The following QTRT2 variants were observed in gnomAD, a reference collection of about 807,000 sequenced individuals.
QTRT2 encodes the protein queuine tRNA-ribosyltransferase domain containing 1.
Under a neutral mutation model 44.8 loss-of-function variants are expected in QTRT2, and 32 were observed. The ratio of observed to expected loss-of-function variants is 0.71; its 90% CI spans 0.54 to 0.96. The LOEUF (loss-of-function observed/expected upper bound fraction) is 0.96. Ranked by LOEUF, QTRT2 falls within the 40% of genes least tolerant of loss-of-function variation. The probability of loss-of-function intolerance (pLI) is 0.00; values close to 1 mark genes in which losing one functional copy is unlikely to be tolerated. For missense variants in QTRT2, 461 were observed against 503.1 expected, an observed-to-expected ratio of 0.92 and a Z score of 0.80; for synonymous variants, 182 against 187.4, an observed-to-expected ratio of 0.97 and a Z score of 0.24.
chr3:114,078,203 G>A (rs572367090), intron 7 of QTRT2: 1 of 152,028 alleles, frequency 6.6e-6, no homozygotes, highest in East Asian at 1.9e-4. Context: ...TTTCACTCTG[G>A]TGCACATAAC....
In QTRT2 at chr3:114,070,648, C is replaced by G; in HGVS notation, c.356C>G (p.Ala119Gly). 1 of 1,614,064 alleles carries G rather than the reference C, an allele frequency of 6.2e-7. No homozygotes were observed. ...CAGTCTGTGTCTGTGTGGAGTGTTG[C>G]AGGACGAGTGGAAATGACTGTTTCC... ...TNKSVSVWSV[A>G]GRVEMTVSKF... The change falls in exon 6 of 10, where the codon GCA (alanine) becomes GGA (glycine). Residue 119 changes from alanine to glycine, a missense_variant. By Grantham distance (60) the Ala-to-Gly change is moderately conservative. Coordinates refer to ENST00000281273, the MANE Select transcript of QTRT2 (RefSeq NM_024638.4).
chr3:114,070,883 C>G (rs924253943), intron 6 of QTRT2, 45 bp downstream of exon 6: 1 of 1,503,786 alleles, frequency 6.6e-7, no homozygotes, highest in African/African-American at 1.4e-5. Context: ...ACACTCTTGC[C>G]TCCCTTACAT....
intron 7 of QTRT2, chr3:114,078,118 C>G (rs1052685626): frequency 6.6e-6 from 1 of 152,234 alleles, no homozygotes; most frequent in Non-Finnish European, 1.5e-5. Context: ...AAGGTATTTC[C>G]ATCACCTTAG....
chr3:114,082,684 A>G lies in QTRT2; in HGVS notation c.906A>G (p.Gln302=). The G allele has an allele frequency of 7.0e-7, 1 of 1,428,814 alleles. No individual in the cohort carries two copies. Among genetic ancestry groups the G allele is most frequent in the South Asian group, 1.3e-5 (1 of 78,906 alleles). 88.5% of individuals were successfully genotyped at this position (1,428,814 alleles called of 1,614,324 possible). A position where few individuals can be genotyped will look rare whatever the true frequency, so the allele number is the denominator to read the frequency against. The change falls in exon 9 of 10, where the codon CAA becomes CAG. Residue 302 remains glutamine, a synonymous_variant. Transcript: ENST00000281273. ...YQPNPEETLL[Q]QNGTQEEIKC... ...TATTGGTTTGTCCTTCAGTACTACA[A>G]CAAAATGGAACACAAGAAGAAATAA...
Position 114,065,291 on chromosome 3 carries a change from T to A in QTRT2, c.34T>A (p.Cys12Ser). The A allele has an allele frequency of 6.2e-7, 1 of 1,614,146 alleles. No individual in the cohort carries two copies. The highest frequency in any genetic ancestry group is 8.5e-7 in the Non-Finnish European group (1 of 1,180,010). The part of the protein sequence containing the change: ...KLSLTKVVNG[C>S]RLGKIKNLGK... ...GAGTCTTACCAAGGTAGTTAATGGC[T>A]GTCGCCTAGGAAAAATAAAAAACCT... Residue 12 changes from cysteine (C) to serine (S), a missense_variant, in exon 3 of 10, where the codon TGT (cysteine) becomes AGT (serine). Coordinates refer to ENST00000281273, the MANE Select transcript of QTRT2 (RefSeq NM_024638.4).
intron 5 of QTRT2, chr3:114,068,354 A>T (rs2076981618): frequency 6.4e-6 from 2 of 311,160 alleles, no homozygotes; most frequent in Non-Finnish European, 1.3e-5. Context: ...GATAGGGGAA[A>T]ACGATAGTCT....
chr3:114,080,142 G>A (rs1577545546), intron 8 of QTRT2, 85 bp downstream of exon 8: 1 of 1,092,638 alleles, frequency 9.2e-7, no homozygotes, highest in Non-Finnish European at 1.3e-6. Flanking sequence ...ACAGAAATAT[G>A]TATATATAAA....
In QTRT2 at chr3:114,086,962, G is replaced by A. The variant is rs2077244471; in HGVS notation, c.*1058G>A. On this transcript the variant is annotated 3_prime_UTR_variant, in exon 10 of 10. Coordinates refer to ENST00000281273, the MANE Select transcript of QTRT2 (RefSeq NM_024638.4). ...TTGTCATCCTGGGAGACAGGCAACA[G>A]TAGAGATATTTGAGAGCCTAAAGAG... 1 of 152,256 alleles carries A rather than the reference G, an allele frequency of 6.6e-6. No homozygotes were observed. 9.4% of individuals were successfully genotyped at this position (152,256 alleles called of 1,614,324 possible).
intron 7 of QTRT2, chr3:114,078,155 T>C (rs1303557514): frequency 1.3e-5 from 2 of 152,246 alleles, no homozygotes; most frequent in South Asian, 2.1e-4. Flanking sequence ...AATTTTAACC[T>C]AGTTCTTTTG....
intron 2 of QTRT2, among the ~76,000 whole-genome samples, chr3:114,064,265 A>C (rs2076924659): frequency 6.6e-6 from 1 of 152,296 alleles, no homozygotes; most frequent in South Asian, 2.1e-4. Flanking sequence ...CCTCTCTGAT[A>C]GCTCATTTGT....
chr3:114,060,418 T>A (rs1207695419), intron 2 of QTRT2, among the ~76,000 whole-genome samples: 1 of 152,018 alleles, frequency 6.6e-6, no homozygotes, highest in Non-Finnish European at 1.5e-5. Flanking sequence ...GGGAATATGT[T>A]CCAAGACCCC....
At chr3:114,072,666 T>C (rs1045391607) in intron 6 of QTRT2, among the ~76,000 whole-genome samples, 2 of 152,234 alleles carry the variant, frequency 1.3e-5, no homozygotes, top group Non-Finnish European at 2.9e-5. Context: ...TTATTCTGAA[T>C]GCCCTTCAAT....
intron 3 of QTRT2, among the ~76,000 whole-genome samples, chr3:114,065,913 A>G (rs1396865516): frequency 1.3e-5 from 2 of 152,268 alleles, no homozygotes; most frequent in Non-Finnish European, 1.5e-5. Flanking sequence ...TATATGACCA[A>G]TTAACATAAT....
In QTRT2 at chr3:114,085,711, C is replaced by T. The variant is rs1249987053; in HGVS notation, c.1055C>T (p.Ser352Phe). 6.2e-7 allele frequency: 1 copy of T among 1,614,188 alleles called. No homozygotes were observed. The highest frequency in any genetic ancestry group is 1.7e-5 in the Admixed American group (1 of 60,014). Residue 352 changes from serine to phenylalanine, a missense_variant, in exon 10 of 10, where the codon TCC becomes TTC. Transcript: ENST00000281273. Reference protein sequence around the residue: ...EDFNPLVRGCSCYCCKNHTRA... With the variant: ...EDFNPLVRGCFCYCCKNHTRA... ...TTTAACCCGCTGGTGAGAGGATGTTCCTGTTACTGCTGTAAGAATCACACT... is the reference window on the plus strand; with the variant it reads ...TTTAACCCGCTGGTGAGAGGATGTTTCTGTTACTGCTGTAAGAATCACACT...
intron 2 of QTRT2, among the ~76,000 whole-genome samples, chr3:114,061,921 GA>G (rs1292741172): frequency 6.7e-6 from 1 of 148,896 alleles, no homozygotes; most frequent in Non-Finnish European, 1.5e-5. Context: ...TGTTCTAGGG[GA>G]AAAAAACAAA....
In QTRT2 at chr3:114,082,760, A is replaced by G. The variant is rs1653435718; in HGVS notation, c.982A>G (p.Ile328Val). 3.3e-6 allele frequency: 5 copies of G among 1,499,644 alleles called. No individual in the cohort carries two copies. The highest frequency in any genetic ancestry group is 4.6e-6 in the Non-Finnish European group (5 of 1,094,900). 92.9% of individuals were successfully genotyped at this position (1,499,644 alleles called of 1,614,324 possible). Residue 328 changes from isoleucine (I) to valine (V), a missense_variant, in exon 9 of 10, where the codon ATA becomes GTA. Physicochemically the swap from Ile to Val is conservative, Grantham distance 29. Transcript: ENST00000281273. Reference sequence around the variant, plus strand: ...TGAAACAACTGGTTGCAACCAAGAAATAACATCATTTGAAATTAATCTGAA... The same window carrying G: ...TGAAACAACTGGTTGCAACCAAGAAGTAACATCATTTGAAATTAATCTGAA... ...KIETTGCNQE[I>V]TSFEINLKEK...
At chr3:114,068,356 CGAT>C (rs1344921187) in intron 5 of QTRT2, 3 of 303,922 alleles carry the variant, frequency 9.9e-6, no homozygotes, top group Non-Finnish European at 1.9e-5. Context: ...TAGGGGAAAA[CGAT>C]AGTCTTTCGG....
intron 9 of QTRT2, among the ~76,000 whole-genome samples, chr3:114,083,577 C>CT (rs1227465941): frequency 6.6e-6 from 1 of 152,066 alleles, no homozygotes; most frequent in African/African-American, 2.4e-5. Flanking sequence ...AGTGATTTTT[C>CT]TTTGAGTCTG....
chr3:114,066,316 A>G (rs777833542), intron 4 of QTRT2, 33 bp downstream of exon 4: 1 of 1,352,318 alleles, frequency 7.4e-7, no homozygotes, highest in African/African-American at 1.4e-5. Flanking sequence ...GTGCCTTGTG[A>G]TGTGTTAATT....
Sources: allele counts gnomAD v4.1 joint callset (sites outside exome capture counted in the v4.1 genomes callset), GRCh38; gene constraint gnomAD v4.1.1; transcripts MANE v1.5; gene names NCBI Gene and HGNC (gene_info 2026-07-23, HGNC 2026-07-21).